GRIN2B: variants seen among roughly 807,000 people sequenced by gnomAD.
GRIN2B encodes glutamate receptor ionotropic, NMDA 2B.
GRIN2B carries 5 observed loss-of-function variants against 114.5 expected under a neutral mutation model. The ratio of observed to expected loss-of-function variants is 0.04; its 90% CI spans 0.02 to 0.09. The LOEUF is 0.09. Among genes scored for constraint, GRIN2B ranks in the 10% least tolerant of loss-of-function variants. The pLI, the probability that GRIN2B is intolerant of heterozygous loss-of-function variation, is 1.00. For synonymous variants in GRIN2B, 787 were observed against 745.1 expected (o/e 1.06, Z -0.92); for missense variants, 1,108 against 1,943.5 (o/e 0.57, Z 8.08).
intron 3 of GRIN2B, among the ~76,000 whole-genome samples, chr12:13,825,497 TG>T (rs1428744131): frequency 2.3e-3 from 6 of 2,632 alleles, no homozygotes; most frequent in Non-Finnish European, 5.2e-3. Context: ...ATATATATTT[TG>T]TGTGTGTGTG....
chr12:13,586,925 C>T (rs1355713403), intron 10 of GRIN2B, among the ~76,000 whole-genome samples: 2 of 152,150 alleles, frequency 1.3e-5, no homozygotes, highest in African/African-American at 4.8e-5. Context: ...TTCATTCATT[C>T]ATTGACTAGT....
intron 4 of GRIN2B, among the ~76,000 whole-genome samples, chr12:13,691,357 C>T (rs1239479500): frequency 2.1e-5 from 3 of 145,446 alleles, no homozygotes; most frequent in Non-Finnish European, 2.9e-5. Flanking sequence ...GTAGATAACA[C>T]CAGGACATGA....
At chr12:13,674,275 G>C (rs1228269670) in intron 5 of GRIN2B, among the ~76,000 whole-genome samples, 1 of 152,110 alleles carries the variant, frequency 6.6e-6, no homozygotes, top group African/African-American at 2.4e-5. Context: ...TGGAAGGACA[G>C]GTTGAGCCCA....
At chr12:13,646,336 CT>C (rs1438061912) in intron 5 of GRIN2B, among the ~76,000 whole-genome samples, 2 of 152,114 alleles carry the variant, frequency 1.3e-5, no homozygotes, top group African/African-American at 2.4e-5. Flanking sequence ...CTTAGTGTGT[CT>C]CCCATATACA....
At chr12:13,968,552 C>A (rs1867826842) in intron 2 of GRIN2B, among the ~76,000 whole-genome samples, 1 of 152,200 alleles carries the variant, frequency 6.6e-6, no homozygotes, top group African/African-American at 2.4e-5. Context: ...CTCAATTCCA[C>A]CTTGCTTCAA....
At chr12:13,838,862 A>T (rs1337285087) in intron 3 of GRIN2B, among the ~76,000 whole-genome samples, 1 of 152,234 alleles carries the variant, frequency 6.6e-6, no homozygotes, top group South Asian at 2.1e-4. Flanking sequence ...GCAAAGCAGC[A>T]TAAATCTGCC....
chr12:13,602,702 C>A (rs1949177431), intron 10 of GRIN2B, among the ~76,000 whole-genome samples: 1 of 152,128 alleles, frequency 6.6e-6, no homozygotes, highest in African/African-American at 2.4e-5. Flanking sequence ...GACTTCCAGA[C>A]CCCCATGGGA....
At chr12:13,583,923 C>T (rs898619619) in intron 10 of GRIN2B, among the ~76,000 whole-genome samples, 3 of 151,846 alleles carry the variant, frequency 2.0e-5, no homozygotes, top group African/African-American at 4.8e-5. Flanking sequence ...CAGCATGGCT[C>T]GAAGAACAGA....
chr12:13,825,064 T>C (rs1865007658), intron 3 of GRIN2B, among the ~76,000 whole-genome samples: 1 of 152,098 alleles, frequency 6.6e-6, no homozygotes, highest in South Asian at 2.1e-4. Context: ...CATTTAATTT[T>C]ATAAATGTCC....
chr12:13,740,492 CTTTT>C (rs59103603), intron 4 of GRIN2B, among the ~76,000 whole-genome samples: 4 of 141,122 alleles, frequency 2.8e-5, no homozygotes, highest in Non-Finnish European at 4.7e-5. Flanking sequence ...ATAGCATTTT[CTTTT>C]TTTTTTTTTT....
At chr12:13,669,899 C>T (rs1950007553) in intron 5 of GRIN2B, among the ~76,000 whole-genome samples, 1 of 152,112 alleles carries the variant, frequency 6.6e-6, no homozygotes, top group South Asian at 2.1e-4. Flanking sequence ...CACAGAGCCC[C>T]CACACCCTGG....
intron 2 of GRIN2B, 102 bp from the exon 3 acceptor site, chr12:13,866,328 T>C (rs1865829390): frequency 1.0e-6 from 1 of 998,248 alleles, no homozygotes; most frequent in Non-Finnish European, 1.5e-6. Context: ...TCTCCTTTCA[T>C]TGAGCACCAA....
chr12:13,839,606 G>T (rs977131932), intron 3 of GRIN2B, among the ~76,000 whole-genome samples: 11 of 152,146 alleles, frequency 7.2e-5, no homozygotes, highest in African/African-American at 2.4e-4. Flanking sequence ...GCTCAGAGAG[G>T]TTCAGTGATC....
intron 3 of GRIN2B, among the ~76,000 whole-genome samples, chr12:13,851,721 C>G (rs1208102857): frequency 6.6e-6 from 1 of 152,218 alleles, no homozygotes; most frequent in Non-Finnish European, 1.5e-5. Context: ...CTCCTTCGTT[C>G]TCACCATCCT....
At chr12:13,801,891 G>C (rs1042250754) in intron 3 of GRIN2B, among the ~76,000 whole-genome samples, 1 of 152,026 alleles carries the variant, frequency 6.6e-6, no homozygotes, top group African/African-American at 2.4e-5. Context: ...ACTTGGTTTA[G>C]ACAAGACGAG....
intron 3 of GRIN2B, among the ~76,000 whole-genome samples, chr12:13,777,496 G>A (rs1864025901): frequency 6.6e-6 from 1 of 152,140 alleles, no homozygotes; most frequent in African/African-American, 2.4e-5. Flanking sequence ...ACACTGCACT[G>A]AAGTATTCCG....
intron 4 of GRIN2B, among the ~76,000 whole-genome samples, chr12:13,744,262 T>C (rs775314537): frequency 2.6e-5 from 4 of 152,236 alleles, no homozygotes; most frequent in Non-Finnish European, 5.9e-5. Context: ...ACCTTTCTCA[T>C]GTAATCATCT....
chr12:13,975,944 T>C (rs932890560), intron 2 of GRIN2B, among the ~76,000 whole-genome samples: 2 of 152,196 alleles, frequency 1.3e-5, no homozygotes, highest in East Asian at 3.8e-4. Flanking sequence ...CTGAAAGTAC[T>C]AGGAAGTGAA....
At chr12:13,651,696 T>A (rs1042516410) in intron 5 of GRIN2B, among the ~76,000 whole-genome samples, 3 of 152,106 alleles carry the variant, frequency 2.0e-5, no homozygotes, top group Admixed American at 2.0e-4. Flanking sequence ...TCTACCTGTC[T>A]CATAACTAAG....
Sources: gnomAD v4.1 joint callset for allele counts (sites outside exome capture counted in the v4.1 genomes callset) on GRCh38, gnomAD v4.1.1 for gene constraint, MANE v1.5 for transcripts, NCBI Gene and HGNC (gene_info 2026-07-23, HGNC 2026-07-21) for gene names.